PDE1A: variants seen among roughly 807,000 people sequenced by gnomAD.
PDE1A encodes dual specificity calcium/calmodulin-dependent 3',5'-cyclic nucleotide phosphodiesterase 1A.
Under a neutral mutation model 61.7 loss-of-function variants are expected in PDE1A, and 35 were observed. The observed-to-expected ratio is 0.57, with a 90% CI of 0.43 to 0.75. The LOEUF (loss-of-function observed/expected upper bound fraction) is 0.75. Among genes scored for constraint, PDE1A ranks in the 30% least tolerant of loss-of-function variants. The probability of loss-of-function intolerance (pLI) is 0.00; values close to 1 mark genes in which losing one functional copy is unlikely to be tolerated. For synonymous variants in PDE1A, 232 were observed against 213.2 expected (o/e 1.09, Z -0.77); for missense variants, 597 against 630.6 (o/e 0.95, Z 0.57).
chr2:182,282,139 C>T (rs1352051055), intron 1 of PDE1A, among the ~76,000 whole-genome samples: 1 of 151,848 alleles, frequency 6.6e-6, no homozygotes, highest in Non-Finnish European at 1.5e-5. Flanking sequence ...CTAACTCTTA[C>T]AGAAGATATT....
the PDE1A span, among the ~76,000 whole-genome samples, chr2:182,703,286 C>G: frequency 6.6e-6 from 1 of 152,156 alleles, no homozygotes; most frequent in Non-Finnish European, 1.5e-5. Flanking sequence ...CCAGAAGAAA[C>G]AGGCCTATCT....
At chr2:182,694,517 A>G in the PDE1A span, among the ~76,000 whole-genome samples, 2 of 152,246 alleles carry the variant, frequency 1.3e-5, no homozygotes, top group East Asian at 3.8e-4. Flanking sequence ...AAGGGCAGTC[A>G]GGTTTGAAAC....
chr2:182,514,872 T>C (rs1363808687), intron 2 of PDE1A, among the ~76,000 whole-genome samples: 1 of 152,150 alleles, frequency 6.6e-6, no homozygotes, highest in Non-Finnish European at 1.5e-5. Context: ...ATCAACAGAA[T>C]CAACAGAAAG....
chr2:182,511,254 C>T (rs1689764586), intron 2 of PDE1A, among the ~76,000 whole-genome samples: 1 of 151,832 alleles, frequency 6.6e-6, no homozygotes, highest in African/African-American at 2.4e-5. Context: ...ACCAGACCAT[C>T]AAAAAGACCG....
At chr2:182,388,142 A>C (rs1701223411) in intron 1 of PDE1A, among the ~76,000 whole-genome samples, 3 of 152,242 alleles carry the variant, frequency 2.0e-5, no homozygotes, top group Admixed American at 2.0e-4. Flanking sequence ...AATGGTTATA[A>C]ATAGATATGA....
At chr2:182,626,740 TATATATAC>T in the PDE1A span, among the ~76,000 whole-genome samples, 110 of 28,648 alleles carry the variant, frequency 3.8e-3, 15 homozygotes, top group Middle Eastern at 0.062. Flanking sequence ...TATATATACA[TATATATAC>T]ATATATATAT....
chr2:182,181,458 T>C (rs1490683478), intron 13 of PDE1A, among the ~76,000 whole-genome samples: 2 of 152,206 alleles, frequency 1.3e-5, no homozygotes, highest in East Asian at 3.9e-4. Flanking sequence ...CTCCTTCCTC[T>C]GGAAGCTTCA....
chr2:182,260,037 T>C (rs1037269352), intron 2 of PDE1A, among the ~76,000 whole-genome samples: 2 of 152,240 alleles, frequency 1.3e-5, no homozygotes, highest in African/African-American at 4.8e-5. Context: ...TATTGTGCTA[T>C]TATCTCCACT....
intron 1 of PDE1A, among the ~76,000 whole-genome samples, chr2:182,420,720 A>G (rs11902391): frequency 0.049 from 7,500 of 152,220 alleles, 592 homozygotes; most frequent in African/African-American, 0.17. Context: ...TTGACTCAGA[A>G]CTAATGCTTC....
the PDE1A span, among the ~76,000 whole-genome samples, chr2:182,630,136 T>C: frequency 6.6e-6 from 1 of 152,176 alleles, no homozygotes. Context: ...ACATTTTTTT[T>C]CCAAATCTAT....
intron 1 of PDE1A, among the ~76,000 whole-genome samples, chr2:182,380,109 T>C (rs1408380301): frequency 1.1e-5 from 1 of 94,956 alleles, no homozygotes; most frequent in Non-Finnish European, 2.6e-5. Flanking sequence ...AGCTCCTCTT[T>C]TTTTTTTTTT....
At chr2:182,201,854 A>AG in intron 8 of PDE1A, 65 bp from the exon 9 acceptor site, 14 of 949,220 alleles carry the variant, frequency 1.5e-5, no homozygotes, top group Non-Finnish European at 2.0e-5. Context: ...GGAACACTTC[A>AG]ATAAATAATC....
At chr2:182,253,443 G>A (rs1261199149) in intron 2 of PDE1A, among the ~76,000 whole-genome samples, 1 of 152,088 alleles carries the variant, frequency 6.6e-6, no homozygotes, top group Non-Finnish European at 1.5e-5. Flanking sequence ...TCTGCTTGAA[G>A]CAAGATGGCT....
intron 2 of PDE1A, among the ~76,000 whole-genome samples, chr2:182,250,936 G>A (rs1322783983): frequency 6.6e-6 from 1 of 152,164 alleles, no homozygotes; most frequent in Admixed American, 6.5e-5. Context: ...GCCTGAGAAA[G>A]AGTCAAATTG....
At chr2:182,220,949 G>A (rs1559210565) in intron 7 of PDE1A, among the ~76,000 whole-genome samples, 1 of 151,882 alleles carries the variant, frequency 6.6e-6, no homozygotes. Flanking sequence ...GAATTTTCAA[G>A]TTCATGTAGA....
chr2:182,171,401 C>A (rs1692200349), intron 13 of PDE1A, among the ~76,000 whole-genome samples: 1 of 151,824 alleles, frequency 6.6e-6, no homozygotes, highest in African/African-American at 2.4e-5. Flanking sequence ...TTTAGGGAAA[C>A]CATCAGGCTT....
intron 1 of PDE1A, among the ~76,000 whole-genome samples, chr2:182,378,281 A>G (rs571240750): frequency 2.8e-4 from 43 of 152,356 alleles, no homozygotes; most frequent in Middle Eastern, 3.4e-3. Context: ...GTTCTAGAGC[A>G]GGTAAAACTA....
At chr2:182,701,752 C>G in the PDE1A span, among the ~76,000 whole-genome samples, 4 of 152,132 alleles carry the variant, frequency 2.6e-5, no homozygotes, top group Admixed American at 6.6e-5. Context: ...CACTATCACC[C>G]TCTTGTGATT....
intron 1 of PDE1A, among the ~76,000 whole-genome samples, chr2:182,301,838 G>A (rs77319016): frequency 0.013 from 1,918 of 152,230 alleles, 63 homozygotes; most frequent in East Asian, 0.059. Flanking sequence ...AGCCCCTCAG[G>A]ATGAAAGTCT....
Sources: allele counts gnomAD v4.1 joint callset (sites outside exome capture counted in the v4.1 genomes callset), GRCh38; gene constraint gnomAD v4.1.1; transcripts MANE v1.5; gene names NCBI Gene and HGNC (gene_info 2026-07-23, HGNC 2026-07-21).